The following RIN2 variants were observed in gnomAD, a reference collection of about 807,000 sequenced individuals.
RIN2 encodes the protein RAB5 interacting protein 2.
In RIN2, 36 loss-of-function variants were observed where a neutral mutation model predicts 78.0. That is an observed-to-expected ratio of 0.46 (90% CI 0.35 to 0.61). The LOEUF is 0.61. Among genes scored for constraint, RIN2 ranks in the 20% least tolerant of loss-of-function variants. RIN2 has a pLI of 0.00. For missense variants in RIN2, 1,087 were observed against 1,159.7 expected (o/e 0.94, Z 0.91); for synonymous variants, 466 against 466.8 (o/e 1.00, Z 0.02).
At chr20:19,997,292 C>A (rs961144533) in intron 12 of RIN2, among the ~76,000 whole-genome samples, 2 of 152,242 alleles carry the variant, frequency 1.3e-5, no homozygotes, top group Non-Finnish European at 2.9e-5. Context: ...TCAGCAGCAG[C>A]AGCAACAGCT....
At chr20:19,862,549 T>C (rs2037376058) in intron 2 of RIN2, among the ~76,000 whole-genome samples, 1 of 152,124 alleles carries the variant, frequency 6.6e-6, no homozygotes, top group Non-Finnish European at 1.5e-5. Flanking sequence ...GCCAATATCG[T>C]GCCACTGCAC....
At chr20:19,888,532 A>G (rs1247328744) in intron 2 of RIN2, among the ~76,000 whole-genome samples, 1 of 152,226 alleles carries the variant, frequency 6.6e-6, no homozygotes, top group African/African-American at 2.4e-5. Flanking sequence ...CCACCCCTGC[A>G]GCTGAACCAC....
chr20:19,800,767 A>G (rs2035216535), intron 2 of RIN2, among the ~76,000 whole-genome samples: 1 of 152,172 alleles, frequency 6.6e-6, no homozygotes, highest in South Asian at 2.1e-4. Context: ...CAAAATAAAC[A>G]TTGTTGTTTT....
intron 1 of RIN2, among the ~76,000 whole-genome samples, chr20:19,777,093 C>T (rs1240554994): frequency 1.3e-5 from 2 of 152,170 alleles, no homozygotes; most frequent in Non-Finnish European, 2.9e-5. Flanking sequence ...GCGGGTCCAT[C>T]CGGGAGGGAA....
At chr20:19,808,278 C>T (rs1034945024) in intron 2 of RIN2, among the ~76,000 whole-genome samples, 4 of 152,238 alleles carry the variant, frequency 2.6e-5, no homozygotes, top group Non-Finnish European at 5.9e-5. Flanking sequence ...CCGCCCCTCT[C>T]CTCCCTGAGC....
rs10715070 is a variant in RIN2 at position 20,002,378 on chromosome 20, AT to A, written c.*1448del. On this transcript the variant is annotated 3_prime_UTR_variant, in exon 13 of 13. Coordinates refer to ENST00000255006, the MANE Select transcript of RIN2 (RefSeq NM_018993.4). ...ATACTGTGTTGTACTTTTGTAAATGATTTTTTAAATGGAATTTTGCACATAA... is the reference window on the plus strand; with the variant it reads ...ATACTGTGTTGTACTTTTGTAAATGATTTTTAAATGGAATTTTGCACATAA... 42,681 of 152,502 alleles carry A rather than the reference AT, an allele frequency of 0.28. 6,209 individuals are homozygous for A. Among genetic ancestry groups the A allele is most frequent in the Middle Eastern group, 0.32 (92 of 290 alleles). 9.4% of individuals were successfully genotyped at this position (152,502 alleles called of 1,614,324 possible).
chr20:19,808,475 T>C (rs2035482320), intron 2 of RIN2, among the ~76,000 whole-genome samples: 1 of 152,216 alleles, frequency 6.6e-6, no homozygotes, highest in East Asian at 1.9e-4. Flanking sequence ...GGGTCTGCCA[T>C]GAGCTCTTTC....
At chr20:19,855,924 A>C (rs1473484994) in intron 2 of RIN2, among the ~76,000 whole-genome samples, 1 of 152,068 alleles carries the variant, frequency 6.6e-6, no homozygotes, top group East Asian at 1.9e-4. Flanking sequence ...AAATACAAAA[A>C]TTAGCAGGGT....
At chr20:19,905,389 G>A (rs768722605) in intron 3 of RIN2, among the ~76,000 whole-genome samples, 2 of 152,150 alleles carry the variant, frequency 1.3e-5, no homozygotes, top group East Asian at 1.9e-4. Context: ...CAAAGCAAAC[G>A]ATGACACTCA....
intron 2 of RIN2, among the ~76,000 whole-genome samples, chr20:19,808,975 C>G (rs1330330035): frequency 2.0e-5 from 3 of 152,214 alleles, no homozygotes; most frequent in Admixed American, 2.0e-4. Flanking sequence ...AGTCAGCACC[C>G]CAGGCTGGTG....
rs568288257 is a variant in RIN2, at chr20:19,982,164, G to C, written c.1762+6377G>C. Among the ~76,000 whole-genome samples the C allele has an allele frequency of 3.3e-5, 5 of 152,194 alleles. No individual in the cohort carries two copies. In the East Asian group the frequency reaches 9.6e-4, roughly 29 times the overall value. Reference sequence around the variant, plus strand: ...GGGCGGAGACAACAAAGAAAGCAGCGTGCTTACGAGGTGTCAGATGCATAC... The same window carrying C: ...GGGCGGAGACAACAAAGAAAGCAGCCTGCTTACGAGGTGTCAGATGCATAC... On this transcript the variant is annotated intron_variant, in intron 9 of 12. Transcript: ENST00000255006.
intron 1 of RIN2, among the ~76,000 whole-genome samples, chr20:19,767,659 C>T (rs546070440): frequency 6.6e-6 from 1 of 151,806 alleles, no homozygotes; most frequent in African/African-American, 2.4e-5. Context: ...CGTGGTGGCT[C>T]ACTCCTGTAA....
chr20:19,859,403 T>C (rs544488553), intron 2 of RIN2, among the ~76,000 whole-genome samples: 4 of 152,362 alleles, frequency 2.6e-5, no homozygotes, highest in African/African-American at 7.2e-5. Flanking sequence ...CATCCGAAGA[T>C]TGACTAGAGG....
At chr20:19,905,824 CAG>C (rs1343442650) in intron 3 of RIN2, among the ~76,000 whole-genome samples, 1 of 152,214 alleles carries the variant, frequency 6.6e-6, no homozygotes, top group Admixed American at 6.5e-5. Context: ...CCATTAACTG[CAG>C]AGTTTGGTTG....
chr20:19,936,702 C>A (rs887830626), intron 4 of RIN2, among the ~76,000 whole-genome samples: 1 of 152,146 alleles, frequency 6.6e-6, no homozygotes, highest in Non-Finnish European at 1.5e-5. Flanking sequence ...AGAGTGAGAG[C>A]TGGGTGGTTG....
At chr20:19,848,960 G>T (rs924980989) in intron 2 of RIN2, among the ~76,000 whole-genome samples, 9 of 151,992 alleles carry the variant, frequency 5.9e-5, no homozygotes, top group South Asian at 4.1e-4. Flanking sequence ...ACCATCAGTC[G>T]GCCATTTAGT....
At chr20:19,802,783 A>AG (rs2035287640) in intron 2 of RIN2, among the ~76,000 whole-genome samples, 1 of 152,174 alleles carries the variant, frequency 6.6e-6, no homozygotes, top group African/African-American at 2.4e-5. Context: ...TGGTACACCA[A>AG]GGAGTGCTCT....
chr20:19,967,307 T>C (rs901927150), intron 7 of RIN2, among the ~76,000 whole-genome samples: 1 of 152,252 alleles, frequency 6.6e-6, no homozygotes, highest in Non-Finnish European at 1.5e-5. Flanking sequence ...CCAAGATTAA[T>C]TTCCCTGTCT....
rs199544 is a variant in RIN2 at position 19,938,990 on chromosome 20, C to A, written c.158+3791C>A. On this transcript the variant is annotated intron_variant, in intron 4 of 12. Transcript: ENST00000255006. ...GGCCTTGTACTCATCAATGGTGCCT[C>A]TATTCCTGTCATAACTGCCCTCCTC... 8.7e-3 allele frequency among the ~76,000 whole-genome samples: 1,319 copies of A among 152,272 alleles called. 24 individuals are homozygous for A. The highest frequency in any genetic ancestry group is 0.031 in the African/African-American group (1,268 of 41,548).
Sources: allele counts gnomAD v4.1 joint callset (sites outside exome capture counted in the v4.1 genomes callset), GRCh38; gene constraint gnomAD v4.1.1; transcripts MANE v1.5; gene names NCBI Gene and HGNC (gene_info 2026-07-23, HGNC 2026-07-21).